Variants in EPRS1 observed in about 807,000 individuals in gnomAD.
EPRS1 encodes glutamyl-prolyl-tRNA synthetase 1.
In EPRS1, 107 loss-of-function variants were observed where a neutral mutation model predicts 188.3. That is an observed-to-expected ratio of 0.57 (90% CI 0.49 to 0.67). The LOEUF is 0.67. EPRS1 is among the 30% of genes least tolerant of loss of function. The pLI, the probability that EPRS1 is intolerant of heterozygous loss-of-function variation, is 0.00. For missense variants in EPRS1, 1,577 were observed against 1,802.2 expected (o/e 0.88, Z 2.26); for synonymous variants, 596 against 593.1 (o/e 1.00, Z -0.07).
rs1660925238 is a variant in EPRS1 at position 219,982,840 on chromosome 1, G to A, written c.3305C>T (p.Ala1102Val). 2 of 1,613,544 alleles carry A rather than the reference G, an allele frequency of 1.2e-6. No homozygotes were observed. Among genetic ancestry groups the A allele is most frequent in the Non-Finnish European group, 8.5e-7 (1 of 1,179,692 alleles). Residue 1102 changes from alanine (A) to valine (V), a missense_variant, in exon 23 of 32, where the codon GCT becomes GTT. Ala to Val is a moderately conservative substitution (Grantham distance 64). This residue lies in a region of EPRS1 where 1,278 missense variants were observed against 1,457.4 expected (regional missense o/e 0.88). Transcript: ENST00000366923. ...GGTTTTGCCAGATCTTGTAACCCAA[G>A]CAACCTAGTAAGAAAAAATCATTTT... Reference protein sequence around the residue: ...THVADFAPEVAWVTRSGKTEL... With the variant: ...THVADFAPEVVWVTRSGKTEL...
chr1:219,980,968 T>C, intron 24 of EPRS1, 111 bp from the exon 25 acceptor site: 1 of 661,482 alleles, frequency 1.5e-6, no homozygotes, highest in South Asian at 1.9e-5. Flanking sequence ...GGTGCAATCA[T>C]GACTCACTGA....
intron 4 of EPRS1, among the ~76,000 whole-genome samples, chr1:220,032,818 C>G (rs1662111516): frequency 6.6e-6 from 1 of 151,892 alleles, no homozygotes; most frequent in African/African-American, 2.4e-5. Flanking sequence ...GCATGAGGAA[C>G]TTTTGGGGGT....
At chr1:219,989,971 C>G (rs1395932560) in intron 18 of EPRS1, among the ~76,000 whole-genome samples, 10 of 151,840 alleles carry the variant, frequency 6.6e-5, no homozygotes, top group African/African-American at 2.4e-4. Context: ...GGGAAATTTC[C>G]ACCAGCTAAA....
rs551147961 is a variant in EPRS1, at chr1:220,043,425, C to T, written c.46+2918G>A. Among the ~76,000 whole-genome samples the T allele has an allele frequency of 2.0e-5, 3 of 152,078 alleles. No individual in the cohort carries two copies. In the South Asian group the frequency reaches 6.2e-4, roughly 32 times the overall value. On this transcript the variant is annotated intron_variant, in intron 1 of 31. Transcript: ENST00000366923. ...AGCTCTCCTCACAGAAAAATGCCAA[C>T]TAATACATACAGAAGGAATGGTAGA...
chr1:220,029,902 G>C (rs1190679494), intron 6 of EPRS1, among the ~76,000 whole-genome samples: 1 of 152,164 alleles, frequency 6.6e-6, no homozygotes, highest in Non-Finnish European at 1.5e-5. Context: ...GGTGCCAAGA[G>C]ATGAAGGGGT....
At position 220,032,534 on chromosome 1, in the gene EPRS1, C is replaced by T. The variant is rs1662107124; in HGVS notation, c.389-8G>A. The T allele has an allele frequency of 6.2e-7, 1 of 1,612,210 alleles. No homozygotes were observed. Among genetic ancestry groups the T allele is most frequent in the Non-Finnish European group, 8.5e-7 (1 of 1,179,422 alleles). On this transcript the variant is annotated splice_region_variant and splice_polypyrimidine_tract_variant and intron_variant, in intron 4 of 31. Coordinates refer to ENST00000366923, the MANE Select transcript of EPRS1 (RefSeq NM_004446.3). Reference sequence around the variant, plus strand: ...CTTGCCAGGCAGCATTTCCTATGAGCAAAGATAATTTTAAACTATTCAATA... The same window carrying T: ...CTTGCCAGGCAGCATTTCCTATGAGTAAAGATAATTTTAAACTATTCAATA...
chr1:219,979,145 A>G (rs1243213897), intron 27 of EPRS1, among the ~76,000 whole-genome samples: 2 of 152,194 alleles, frequency 1.3e-5, no homozygotes, highest in Non-Finnish European at 2.9e-5. Context: ...GTGAGCCTGC[A>G]TGCCCAGCTC....
At chr1:220,007,858 G>T (rs531219316) in intron 13 of EPRS1, among the ~76,000 whole-genome samples, 1 of 152,122 alleles carries the variant, frequency 6.6e-6, no homozygotes, top group African/African-American at 2.4e-5. Context: ...GGTGGCTTAC[G>T]CCTGTAATCC....
chr1:220,026,743 G>C (rs1223887754), intron 6 of EPRS1, among the ~76,000 whole-genome samples: 1 of 151,690 alleles, frequency 6.6e-6, no homozygotes, highest in Non-Finnish European at 1.5e-5. Flanking sequence ...TGTTAGCCAG[G>C]ATGGTCTCGA....
At chr1:220,010,420 T>C (rs79766381) in intron 13 of EPRS1, among the ~76,000 whole-genome samples, 16 of 152,212 alleles carry the variant, frequency 1.1e-4, no homozygotes, top group Non-Finnish European at 1.8e-4. Context: ...CAGTTCTGTG[T>C]GATGTACTAT....
Position 220,020,176 on chromosome 1 carries a change from G to C in EPRS1, c.1161C>G (p.Ile387Met). The C allele has an allele frequency of 6.2e-7, 1 of 1,613,860 alleles. No homozygotes were observed. Among genetic ancestry groups the C allele is most frequent in the Non-Finnish European group, 8.5e-7 (1 of 1,179,908 alleles). Residue 387 changes from isoleucine to methionine, a missense_variant, in exon 10 of 32, where the codon ATC becomes ATG. Around this residue, in one of 3 missense-constraint regions of EPRS1, gnomAD observed 1,278 missense variants for 1,457.4 expected, o/e 0.88. Coordinates refer to ENST00000366923, the MANE Select transcript of EPRS1 (RefSeq NM_004446.3). ...TTCTCAGGGCATGTGTAACACCTTC[G>C]ATGCTGTCAACTATGGGGCAGGCAA... ...YDFACPIVDS[I>M]EGVTHALRTT...
At chr1:220,034,179 A>G (rs1662135051) in intron 3 of EPRS1, among the ~76,000 whole-genome samples, 1 of 152,222 alleles carries the variant, frequency 6.6e-6, no homozygotes, top group Admixed American at 6.5e-5. Context: ...CAGACTGCAT[A>G]TATGACAATG....
chr1:220,013,064 A>C (rs184565487), intron 12 of EPRS1, among the ~76,000 whole-genome samples: 1 of 152,230 alleles, frequency 6.6e-6, no homozygotes, highest in Non-Finnish European at 1.5e-5. Context: ...ACATTTTAAA[A>C]CTAAAGCAGT....
chr1:219,972,985 G>A (rs1660698149), intron 29 of EPRS1, among the ~76,000 whole-genome samples: 1 of 152,140 alleles, frequency 6.6e-6, no homozygotes, highest in Non-Finnish European at 1.5e-5. Flanking sequence ...TAAAAGCCTA[G>A]ATTTAAATTA....
chr1:220,028,193 G>T (rs972372983), intron 6 of EPRS1, among the ~76,000 whole-genome samples: 1 of 152,070 alleles, frequency 6.6e-6, no homozygotes, highest in East Asian at 1.9e-4. Context: ...ACTTGAGGGC[G>T]TTGCACCCAA....
At chr1:220,024,558 A>C (rs1661938444) in intron 7 of EPRS1, 102 bp from the exon 8 acceptor site, 2 of 705,826 alleles carry the variant, frequency 2.8e-6, no homozygotes, top group South Asian at 2.1e-5. Context: ...ATAGACCATC[A>C]GTCTTATTTA....
At chr1:219,998,053 T>G (rs1661270599) in intron 17 of EPRS1, among the ~76,000 whole-genome samples, 1 of 152,220 alleles carries the variant, frequency 6.6e-6, no homozygotes, top group Admixed American at 6.5e-5. Flanking sequence ...TCATGCTTTC[T>G]GCTGCCTAGA....
In EPRS1 at chr1:219,981,446, C is replaced by T. The variant is rs1185501854; in HGVS notation, c.3385G>A (p.Ala1129Thr). ...TGTGACTGTACCCATTTTGCATATGCAGGATACATTACTGAAAGACACGGG... is the reference window on the plus strand; with the variant it reads ...TGTGACTGTACCCATTTTGCATATGTAGGATACATTACTGAAAGACACGGG... ...RPTSETVMYP[A>T]YAKWVQSHRD... The change falls in exon 24 of 32, where the codon GCA becomes ACA. Residue 1129 changes from alanine (A) to threonine (T), a missense_variant. By Grantham distance (58) the Ala-to-Thr change is moderately conservative. Coordinates refer to ENST00000366923, the MANE Select transcript of EPRS1 (RefSeq NM_004446.3). 4.4e-6 allele frequency: 7 copies of T among 1,599,162 alleles called. No individual in the cohort carries two copies. Among genetic ancestry groups the T allele is most frequent in the Non-Finnish European group, 6.0e-6 (7 of 1,171,122 alleles).
intron 2 of EPRS1, among the ~76,000 whole-genome samples, chr1:220,038,025 G>A (rs1662220519): frequency 1.3e-5 from 2 of 151,758 alleles, no homozygotes; most frequent in South Asian, 2.1e-4. Context: ...AGAAGTTTAT[G>A]AGTATGGGGT....
Sources: gnomAD v4.1 joint callset for allele counts (sites outside exome capture counted in the v4.1 genomes callset) on GRCh38, gnomAD v4.1.1 for gene constraint, gnomAD v4.1.1 regional missense constraint, MANE v1.5 for transcripts, NCBI Gene and HGNC (gene_info 2026-07-23, HGNC 2026-07-21) for gene names.